The following NHLRC3 variants were observed in gnomAD, a reference collection of about 807,000 sequenced individuals.
The protein encoded by NHLRC3 is NHL repeat-containing protein 3.
A neutral mutation model predicts 32.0 loss-of-function variants in NHLRC3; 23 were observed. The observed-to-expected ratio is 0.72, with a 90% confidence interval of 0.52 to 1.02. The LOEUF (loss-of-function observed/expected upper bound fraction) is 1.02, where lower values mean the gene tolerates loss of function less well. Among genes scored for constraint, NHLRC3 ranks in the 50% least tolerant of loss-of-function variants. The pLI is 0.00. For synonymous variants in NHLRC3, 159 were observed against 147.9 expected (o/e 1.08, Z -0.55); for missense variants, 407 against 406.8 (o/e 1.00, Z -0.01).
Position 39,039,736 on chromosome 13 carries a change from T to C in NHLRC3, c.385+25T>C, listed in dbSNP as rs139499492. The stretch of plus-strand genomic sequence containing the variant: ...GGTATGTATAGTAATATCTATTAAA[T>C]TATCTTACTGGAAATCACATCTTTG... On this transcript the variant is annotated intron_variant, in intron 3 of 6. Transcript: ENST00000379600. 1.0e-4 allele frequency: 161 copies of C among 1,549,206 alleles called. 2 individuals carry two copies. The East Asian group carries it at 3.2e-3, about 31-fold the overall frequency.
chr13:39,042,465 A>G (rs1265302742), intron 4 of NHLRC3, among the ~76,000 whole-genome samples, 160 bp downstream of exon 4: 1 of 152,244 alleles, frequency 6.6e-6, no homozygotes, highest in East Asian at 1.9e-4. Context: ...GATTGCCCAC[A>G]ATAAATGATC....
rs756315433 is a variant in NHLRC3 at position 39,047,827 on chromosome 13, C to T, written c.945C>T (p.Val315=). Reference sequence around the variant, plus strand: ...AAGTTTTGCCACATCTCCTAGAAGTCGACAGAAAGACTGGAGCAGTCTATG... The same window carrying T: ...AAGTTTTGCCACATCTCCTAGAAGTTGACAGAAAGACTGGAGCAGTCTATG... ...ADQVLPHLLE[V]DRKTGAVYVA... Residue 315 remains valine, a synonymous_variant, in exon 7 of 7, where the codon GTC becomes GTT. Transcript: ENST00000379600. 4.6e-5 allele frequency: 75 copies of T among 1,613,928 alleles called. No individual in the cohort carries two copies. In the East Asian group the frequency reaches 5.8e-4, roughly 12 times the overall value.
chr13:39,044,229 T>TTGTGGGTGTGTGTGTG lies in NHLRC3; in HGVS notation c.678+52_678+53insGGTGTGTGTGTGTGTG, dbSNP rs397951843. The TTGTGGGTGTGTGTGTG allele has an allele frequency of 3.1e-5, 27 of 859,144 alleles. 1 individual carries two copies. The highest frequency in any genetic ancestry group is 5.3e-5 in the East Asian group (2 of 37,616). 53.2% of individuals were successfully genotyped at this position (859,144 alleles called of 1,614,324 possible). Reference sequence around the variant, plus strand: ...TCTGGGACTTTGTGTCTGAATATGTTTGTGTGTGTGTGTGTGTGTGTGTGT... The same window carrying TTGTGGGTGTGTGTGTG: ...TCTGGGACTTTGTGTCTGAATATGTTTGTGGGTGTGTGTGTGTGTGTGTGTGTGTGTGTGTGTGTGT... On this transcript the variant is annotated intron_variant, in intron 5 of 6. Coordinates refer to ENST00000379600, the MANE Select transcript of NHLRC3 (RefSeq NM_001012754.4).
rs772023282 is a variant in NHLRC3 at position 39,042,228 on chromosome 13, A to G, written c.509A>G (p.Tyr170Cys). 32 of 1,611,542 alleles carry G rather than the reference A, an allele frequency of 2.0e-5. No homozygotes were observed. In the East Asian group the frequency reaches 2.7e-4, roughly 13 times the overall value. ...CAGTTTGATAACCCAGCAGAATTAT[A>G]TGTAGAGGACACAGGAGATATTTAC... is the stretch of plus-strand genomic sequence containing the variant. Reference protein sequence around the residue: ...PLQFDNPAELYVEDTGDIYIV... With the variant: ...PLQFDNPAELCVEDTGDIYIV... The change falls in exon 4 of 7, where the codon TAT (tyrosine) becomes TGT (cysteine). Residue 170 changes from tyrosine (Y) to cysteine (C), a missense_variant. Physicochemically the swap from Tyr to Cys is radical, Grantham distance 194 (BLOSUM62 -2). Transcript: ENST00000379600.
intron 3 of NHLRC3, chr13:39,041,894 A>C: frequency 2.0e-6 from 1 of 496,524 alleles, no homozygotes; most frequent in Non-Finnish European, 3.5e-6. Context: ...GAATCCGCTT[A>C]TTTTGGACTA....
chr13:39,045,441 A>AT (rs1417860203), intron 5 of NHLRC3, among the ~76,000 whole-genome samples: 1 of 152,226 alleles, frequency 6.6e-6, no homozygotes, highest in African/African-American at 2.4e-5. Flanking sequence ...CTGAGTGATA[A>AT]AGAGTGTCAA....
In NHLRC3 at chr13:39,047,168, T is replaced by TGCA; in HGVS notation, c.791+16_791+17insGCA. 7.0e-7 allele frequency: 1 copy of TGCA among 1,436,190 alleles called. No individual in the cohort carries two copies. Among genetic ancestry groups the TGCA allele is most frequent in the Non-Finnish European group, 9.8e-7 (1 of 1,024,800 alleles). 89.0% of individuals were successfully genotyped at this position (1,436,190 alleles called of 1,614,324 possible). On this transcript the variant is annotated intron_variant, in intron 6 of 6. Transcript: ENST00000379600. ...CTTCAGTCAGGTAATTGTTTCATTTTATTGCAAAATGCTTGTTTTAGTTAG... is the reference window on the plus strand; with the variant it reads ...CTTCAGTCAGGTAATTGTTTCATTTTGCAATTGCAAAATGCTTGTTTTAGTTAG...
intron 2 of NHLRC3, 81 bp from the exon 3 acceptor site, chr13:39,039,483 A>G: frequency 7.6e-7 from 1 of 1,314,412 alleles, no homozygotes; most frequent in Non-Finnish European, 1.1e-6. Flanking sequence ...TAAAATTCTC[A>G]GTTATTTTTT....
At chr13:39,044,413 G>A (rs1186148036) in intron 5 of NHLRC3, 5 of 433,028 alleles carry the variant, frequency 1.2e-5, no homozygotes, top group Non-Finnish European at 2.0e-5. Context: ...ATAGTGAGGG[G>A]GTTCCCCAAA....
chr13:39,041,045 C>T (rs893124464), intron 3 of NHLRC3: 1 of 152,162 alleles, frequency 6.6e-6, no homozygotes, highest in African/African-American at 2.4e-5. Flanking sequence ...AAAAATAAGA[C>T]TTCCTTGATT....
In NHLRC3 at chr13:39,047,731, AGTC is replaced by A; in HGVS notation, c.852_854del (p.Val285del). ...CCCAGCTGAATCTTAGCAGGCTCTC[AGTC>A]GTAGCAGCACCCCCAGTGGGAAGCA... On this transcript the variant is annotated inframe_deletion, in exon 7 of 7. Transcript: ENST00000379600. The A allele has an allele frequency of 6.2e-7, 1 of 1,613,984 alleles. No homozygotes were observed. Among genetic ancestry groups the A allele is most frequent in the Non-Finnish European group, 8.5e-7 (1 of 1,179,866 alleles).
chr13:39,048,219 G>A lies in NHLRC3; in HGVS notation c.*293G>A. On this transcript the variant is annotated 3_prime_UTR_variant, in exon 7 of 7. Coordinates refer to ENST00000379600, the MANE Select transcript of NHLRC3 (RefSeq NM_001012754.4). Reference sequence around the variant, plus strand: ...TGCCCTGGTAGACTGATTCTCCCTGGGTAAAAAAAATGGGAATAAAAATGA... The same window carrying A: ...TGCCCTGGTAGACTGATTCTCCCTGAGTAAAAAAAATGGGAATAAAAATGA... 4.9e-6 allele frequency: 1 copy of A among 205,522 alleles called. No individual in the cohort carries two copies. Among genetic ancestry groups the A allele is most frequent in the Admixed American group, 5.7e-5 (1 of 17,420 alleles). The allele number at this position is 205,522 out of a possible 1,614,324, so 12.7% of individuals were successfully genotyped here. A position where few individuals can be genotyped will look rare whatever the true frequency, so the allele number is the denominator to read the frequency against.
Position 39,047,860 on chromosome 13 carries a change from A to C in NHLRC3, c.978A>C (p.Glu326Asp), listed in dbSNP as rs146083356. 454 of 1,613,836 alleles carry C rather than the reference A, an allele frequency of 2.8e-4. 3 individuals are homozygous for C. The highest frequency in any genetic ancestry group is 6.1e-5 in the Non-Finnish European group (72 of 1,179,848). ...DRKTGAVYVA[E>D]IGAKQVQKYV... is the part of the protein sequence containing the mutation. The stretch of plus-strand genomic sequence containing the variant: ...AGACTGGAGCAGTCTATGTAGCAGA[A>C]ATTGGAGCAAAACAAGTACAAAAAT... The change falls in exon 7 of 7, where the codon GAA (glutamate) becomes GAC (aspartate). Residue 326 changes from glutamate to aspartate, a missense_variant. Glu to Asp is a conservative substitution (Grantham distance 45, BLOSUM62 2). Transcript: ENST00000379600.
upstream of NHLRC3, chr13:39,038,393 C>T (rs1461851159): frequency 1.3e-5 from 7 of 554,236 alleles, no homozygotes; most frequent in Non-Finnish European, 2.3e-5. Context: ...CCCGAAGCAC[C>T]TGACATGAGG....
At chr13:39,042,428 C>T (rs952821782) in intron 4 of NHLRC3, 123 bp downstream of exon 4, 10 of 593,494 alleles carry the variant, frequency 1.7e-5, no homozygotes, top group Middle Eastern at 4.5e-4. Context: ...TGTATTACTA[C>T]GAGAAAACTG....
At chr13:39,044,229 TTGTGTGTGTGTGTGTGTGTGTG>T (rs370553701) in intron 5 of NHLRC3, 48 bp downstream of exon 5, 1 of 858,250 alleles carries the variant, frequency 1.2e-6, no homozygotes, top group Non-Finnish European at 1.9e-6. Flanking sequence ...CTGAATATGT[TTGTGTGTGTGTGTGTGTGTGTG>T]TGTGTGTGTG....
intron 1 of NHLRC3, 47 bp from the exon 2 acceptor site, chr13:39,039,088 TC>T: frequency 1.5e-6 from 2 of 1,324,182 alleles, no homozygotes; most frequent in South Asian, 2.5e-5. Flanking sequence ...CTTTTTTTGT[TC>T]TTACCTAGAC....
At position 39,047,878 on chromosome 13, in the gene NHLRC3, AC is replaced by A. The variant is rs1367175354; in HGVS notation, c.997del (p.Gln333LysfsTer6). On this transcript the variant is annotated frameshift_variant, in exon 7 of 7. Transcript: ENST00000379600. LOFTEE classifies it low-confidence loss of function (END_TRUNC). ...TAGCAGAAATTGGAGCAAAACAAGT[AC>A]AAAAATATGTCCCTTTGAATAGCTA... ...YVAEIGAKQVQKYVPLNSYVP... is the reference protein window; with the variant it reads ...YVAEIGAKQVXKYVPLNSYVP... The A allele has an allele frequency of 1.2e-6, 2 of 1,613,682 alleles. No homozygotes were observed. Among genetic ancestry groups the A allele is most frequent in the Non-Finnish European group, 1.7e-6 (2 of 1,179,688 alleles).
At chr13:39,039,352 T>C (rs1871360530) in intron 2 of NHLRC3, 64 bp downstream of exon 2, 1 of 1,343,262 alleles carries the variant, frequency 7.4e-7, no homozygotes, top group Non-Finnish European at 1.1e-6. Flanking sequence ...CCTGTCTTGC[T>C]GTAGTAACTG....
Sources: gnomAD v4.1 joint callset for allele counts (sites outside exome capture counted in the v4.1 genomes callset) on GRCh38, gnomAD v4.1.1 for gene constraint, MANE v1.5 for transcripts, NCBI Gene and HGNC (gene_info 2026-07-23, HGNC 2026-07-21) for gene names.